The following KCNH7 variants were observed in gnomAD, a reference collection of about 807,000 sequenced individuals.
The protein encoded by KCNH7 is voltage-gated inwardly rectifying potassium channel KCNH7.
In KCNH7, 49 loss-of-function variants were observed where a neutral mutation model predicts 120.8. The observed-to-expected ratio is 0.41, with a 90% CI of 0.32 to 0.51. KCNH7 has a LOEUF of 0.51. KCNH7 is among the 20% of genes least tolerant of loss of function. The pLI is 0.38. For synonymous variants in KCNH7, 547 were observed against 516.1 expected, an observed-to-expected ratio of 1.06 and a Z score of -0.81; for missense variants, 1,097 against 1,446.6, an observed-to-expected ratio of 0.76 and a Z score of 3.92.
At chr2:162,727,578 A>G (rs1687577520) in intron 2 of KCNH7, among the ~76,000 whole-genome samples, 1 of 152,174 alleles carries the variant, frequency 6.6e-6, no homozygotes. Flanking sequence ...ATAGAATACT[A>G]CTGACTATTA....
chr2:162,453,493 T>G (rs1275545962), intron 6 of KCNH7, among the ~76,000 whole-genome samples: 1 of 152,214 alleles, frequency 6.6e-6, no homozygotes, highest in East Asian at 1.9e-4. Flanking sequence ...ATGGGATTGC[T>G]GGGTCAAATG....
chr2:162,555,340 G>A (rs964952472), intron 2 of KCNH7, among the ~76,000 whole-genome samples: 2 of 152,144 alleles, frequency 1.3e-5, no homozygotes, highest in Non-Finnish European at 2.9e-5. Context: ...TAAGAGACAA[G>A]ACAGGCAAGT....
At chr2:162,527,821 T>A (rs765710971) in intron 3 of KCNH7, 13 of 152,036 alleles carry the variant, frequency 8.6e-5, no homozygotes, top group Non-Finnish European at 1.8e-4. Flanking sequence ...TACTATAAGA[T>A]ACTTCAGAAA....
intron 2 of KCNH7, among the ~76,000 whole-genome samples, chr2:162,833,869 T>G (rs1040359457): frequency 6.6e-6 from 1 of 152,076 alleles, no homozygotes; most frequent in African/African-American, 2.4e-5. Context: ...ATGGAAGAAA[T>G]GGAAACAGAA....
At chr2:162,838,253 T>A (rs1047909410) in intron 1 of KCNH7, among the ~76,000 whole-genome samples, 190 bp downstream of exon 1, 1 of 152,124 alleles carries the variant, frequency 6.6e-6, no homozygotes. Flanking sequence ...GAGACCGTAA[T>A]CTAAAATGTA....
chr2:162,490,674 A>G (rs751242111), intron 6 of KCNH7, among the ~76,000 whole-genome samples: 1 of 152,156 alleles, frequency 6.6e-6, no homozygotes, highest in Admixed American at 6.5e-5. Flanking sequence ...AGAGGACAGG[A>G]TGCTAGATAG....
chr2:162,565,328 TAA>T, intron 2 of KCNH7, among the ~76,000 whole-genome samples: 1 of 152,010 alleles, frequency 6.6e-6, no homozygotes, highest in African/African-American at 2.4e-5. Flanking sequence ...AAAAAAAACG[TAA>T]CTAGTCCTAG....
intron 2 of KCNH7, among the ~76,000 whole-genome samples, chr2:162,817,554 T>C (rs1282164369): frequency 1.3e-5 from 2 of 152,126 alleles, no homozygotes; most frequent in Non-Finnish European, 2.9e-5. Flanking sequence ...TGTGGACATA[T>C]ATTTTCATTT....
chr2:162,690,692 A>G (rs1020128013), intron 2 of KCNH7, among the ~76,000 whole-genome samples: 1 of 151,296 alleles, frequency 6.6e-6, no homozygotes, highest in African/African-American at 2.5e-5. Context: ...ACTTTTCTTT[A>G]TACAACCCAA....
intron 2 of KCNH7, among the ~76,000 whole-genome samples, chr2:162,589,295 T>C (rs545985291): frequency 1.3e-5 from 2 of 152,030 alleles, no homozygotes; most frequent in South Asian, 4.2e-4. Flanking sequence ...AAACCCCACT[T>C]CTGTAGAAGG....
At chr2:162,497,876 A>G (rs1574030930) in intron 6 of KCNH7, among the ~76,000 whole-genome samples, 1 of 152,130 alleles carries the variant, frequency 6.6e-6, no homozygotes, top group Non-Finnish European at 1.5e-5. Context: ...CCATAATTCT[A>G]TTTTCATGCC....
intron 2 of KCNH7, among the ~76,000 whole-genome samples, chr2:162,707,188 T>TA (rs1252559881): frequency 1.3e-5 from 2 of 152,110 alleles, no homozygotes; most frequent in African/African-American, 4.8e-5. Context: ...TTTAGTTTTT[T>TA]AAAAAAATCT....
At chr2:162,504,872 G>C (rs1044305315) in intron 5 of KCNH7, among the ~76,000 whole-genome samples, 3 of 151,910 alleles carry the variant, frequency 2.0e-5, no homozygotes, top group Admixed American at 6.6e-5. Flanking sequence ...TTCTAAGTGT[G>C]TACCCAGAGA....
intron 5 of KCNH7, among the ~76,000 whole-genome samples, chr2:162,510,602 A>T (rs1242100196): frequency 6.6e-6 from 1 of 151,842 alleles, no homozygotes. Flanking sequence ...TATTTAATTC[A>T]GAATTAAATA....
At chr2:162,692,958 A>T (rs914861329) in intron 2 of KCNH7, among the ~76,000 whole-genome samples, 1 of 152,172 alleles carries the variant, frequency 6.6e-6, no homozygotes, top group Non-Finnish European at 1.5e-5. Flanking sequence ...AAAAAACTAA[A>T]GTAAATAAAG....
chr2:162,748,745 C>A (rs769814488), intron 2 of KCNH7, among the ~76,000 whole-genome samples: 1 of 152,060 alleles, frequency 6.6e-6, no homozygotes, highest in South Asian at 2.1e-4. Flanking sequence ...ATGATGACCA[C>A]GAACAAAGGA....
intron 2 of KCNH7, among the ~76,000 whole-genome samples, chr2:162,560,434 A>G: frequency 6.6e-6 from 1 of 152,206 alleles, no homozygotes; most frequent in East Asian, 1.9e-4. Context: ...TCTGTGGCTG[A>G]CAGGGAAGAG....
At chr2:162,693,521 T>C (rs1253675894) in intron 2 of KCNH7, among the ~76,000 whole-genome samples, 1 of 152,206 alleles carries the variant, frequency 6.6e-6, no homozygotes, top group Non-Finnish European at 1.5e-5. Context: ...TATTCTATGT[T>C]CAAGCAGCAT....
intron 8 of KCNH7, among the ~76,000 whole-genome samples, chr2:162,429,403 T>TTTTTTTTTTTTTTTTC (rs1558940207): frequency 7.4e-6 from 1 of 134,248 alleles, no homozygotes; most frequent in African/African-American, 2.7e-5. Context: ...TTTTTTTTTT[T>TTTTTTTTTTTTTTTTC]TTACTCACAC....
Sources: allele counts gnomAD v4.1 joint callset (sites outside exome capture counted in the v4.1 genomes callset), GRCh38; gene constraint gnomAD v4.1.1; transcripts MANE v1.5; gene names NCBI Gene and HGNC (gene_info 2026-07-23, HGNC 2026-07-21).